MYH14: variants seen among roughly 807,000 people sequenced by gnomAD.
The protein encoded by MYH14 is myosin heavy chain 14.
Under a neutral mutation model 255.5 loss-of-function variants are expected in MYH14, and 123 were observed. The ratio of observed to expected loss-of-function variants is 0.48; its 90% CI spans 0.42 to 0.56. The LOEUF is 0.56. Among genes scored for constraint, MYH14 ranks in the 20% least tolerant of loss-of-function variants. The pLI is 0.00. For synonymous variants in MYH14, 1,095 were observed against 1,161.2 expected, an observed-to-expected ratio of 0.94 and a Z score of 1.16; for missense variants, 2,423 against 2,802.3, an observed-to-expected ratio of 0.86 and a Z score of 3.06.
intron 36 of MYH14, 74 bp from the exon 37 acceptor site, chr19:50,292,187 C>T: frequency 7.0e-7 from 1 of 1,438,530 alleles, no homozygotes; most frequent in Non-Finnish European, 9.2e-7. Flanking sequence ...CCCCGTCGGT[C>T]TGGCAAGGGG....
intron 11 of MYH14, 58 bp from the exon 12 acceptor site, chr19:50,246,946 C>T: frequency 1.6e-6 from 2 of 1,274,660 alleles, no homozygotes; most frequent in Non-Finnish European, 2.2e-6. Context: ...CTCTCCCTTG[C>T]TGGGCAGCAA....
At chr19:50,228,055 C>T (rs780909229) in intron 8 of MYH14, among the ~76,000 whole-genome samples, 3 of 151,966 alleles carry the variant, frequency 2.0e-5, no homozygotes, top group African/African-American at 2.4e-5. Context: ...AGGCCAAGGC[C>T]GGTGGATCAT....
chr19:50,299,936 CTG>C (rs1203787046), intron 39 of MYH14, among the ~76,000 whole-genome samples: 2 of 152,140 alleles, frequency 1.3e-5, no homozygotes. Flanking sequence ...CAGAGTGAGA[CTG>C]TGTCTCAAAA....
intron 11 of MYH14, among the ~76,000 whole-genome samples, chr19:50,246,171 GA>G (rs1274799934): frequency 7.9e-6 from 1 of 127,158 alleles, no homozygotes; most frequent in Non-Finnish European, 1.6e-5. Context: ...TCTTTTAAAT[GA>G]AGTCTCGCCC....
intron 14 of MYH14, 146 bp downstream of exon 14, chr19:50,249,969 G>C: frequency 1.0e-6 from 1 of 998,440 alleles, no homozygotes; most frequent in Non-Finnish European, 1.5e-6. Context: ...CTGCTTCCTC[G>C]ATCTTTTGTG....
Position 50,309,947 on chromosome 19 carries a change from C to A in MYH14, c.*157C>A. The A allele has an allele frequency of 1.3e-6, 1 of 769,438 alleles. No individual in the cohort carries two copies. Among genetic ancestry groups the A allele is most frequent in the Non-Finnish European group, 2.2e-6 (1 of 452,206 alleles). The allele number at this position is 769,438 out of a possible 1,614,324, so 47.7% of individuals were successfully genotyped here. The stretch of plus-strand genomic sequence containing the variant: ...TTATCACCCCCACCTGGGTCCCCTG[C>A]AACCTCCCATCAAAGGATGACCCCT... On this transcript the variant is annotated 3_prime_UTR_variant, in exon 43 of 43. Transcript: ENST00000642316.
intron 16 of MYH14, among the ~76,000 whole-genome samples, chr19:50,253,619 G>A (rs1483593857): frequency 6.6e-6 from 1 of 152,038 alleles, no homozygotes; most frequent in African/African-American, 2.4e-5. Flanking sequence ...AGTTTTGGAG[G>A]GCTTTCCTGC....
At chr19:50,309,215 G>A (rs2036759911) in intron 42 of MYH14, 38 bp downstream of exon 42, 1 of 1,593,686 alleles carries the variant, frequency 6.3e-7, no homozygotes, top group African/African-American at 1.3e-5. Context: ...CGGGTGGGGA[G>A]CACCCTAACT....
chr19:50,266,997 C>A lies in MYH14; in HGVS notation c.2815C>A (p.Arg939=), dbSNP rs1362698103. The A allele has an allele frequency of 6.6e-7, 1 of 1,524,546 alleles. No individual in the cohort carries two copies. Among genetic ancestry groups the A allele is most frequent in the Non-Finnish European group, 8.8e-7 (1 of 1,133,754 alleles). 94.4% of individuals were successfully genotyped at this position (1,524,546 alleles called of 1,614,324 possible). A position where few individuals can be genotyped will look rare whatever the true frequency, so the allele number is the denominator to read the frequency against. The change falls in exon 23 of 43, where the codon CGA becomes AGA. Residue 939 remains arginine, a synonymous_variant. Coordinates refer to ENST00000642316, the MANE Select transcript of MYH14 (RefSeq NM_001145809.2). The surrounding 1 kb of genome is among the most constrained non-coding windows in gnomAD (Gnocchi z 4.1). ...SAREVGELQG[R]VAQLEEERAR... ...CCGCGAAGTTGGGGAGCTCCAGGGCCGAGTGGCACAGGTGAGGGGGCGGGG... is the reference window on the plus strand; with the variant it reads ...CCGCGAAGTTGGGGAGCTCCAGGGCAGAGTGGCACAGGTGAGGGGGCGGGG...
intron 3 of MYH14, among the ~76,000 whole-genome samples, chr19:50,222,206 T>C (rs1445386773): frequency 2.0e-5 from 3 of 151,864 alleles, no homozygotes; most frequent in East Asian, 1.9e-4. Flanking sequence ...TTCGGCCGGG[T>C]GCAGTGGCTC....
intron 15 of MYH14, among the ~76,000 whole-genome samples, chr19:50,251,272 C>G (rs543230593): frequency 7.2e-5 from 11 of 152,036 alleles, no homozygotes; most frequent in Admixed American, 7.2e-4. Context: ...GCCAGACGAT[C>G]TCTGTCACAG....
intron 39 of MYH14, among the ~76,000 whole-genome samples, chr19:50,300,312 T>G (rs1302339985): frequency 6.6e-6 from 1 of 152,158 alleles, no homozygotes; most frequent in East Asian, 1.9e-4. Context: ...GGTTCTCATC[T>G]CCAGCTGCTG....
At position 50,230,825 on chromosome 19, in the gene MYH14, C is replaced by G; in HGVS notation, c.973+202C>G. 1 of 578,714 alleles carries G rather than the reference C, an allele frequency of 1.7e-6. No homozygotes were observed. The highest frequency in any genetic ancestry group is 3.1e-6 in the Non-Finnish European group (1 of 323,914). The allele number at this position is 578,714 out of a possible 1,614,324, so 35.8% of individuals were successfully genotyped here. A position where few individuals can be genotyped will look rare whatever the true frequency, so the allele number is the denominator to read the frequency against. On this transcript the variant is annotated intron_variant, in intron 9 of 42. Transcript: ENST00000642316. The surrounding 1 kb of genome is among the most constrained non-coding windows in gnomAD (Gnocchi z 4.7). ...GGGTTCTGCTGCGCTCTGGTTCCAGCTCTGTCCCGGGTCTGGCTCGCGCCC... is the reference window on the plus strand; with the variant it reads ...GGGTTCTGCTGCGCTCTGGTTCCAGGTCTGTCCCGGGTCTGGCTCGCGCCC...
intron 41 of MYH14, among the ~76,000 whole-genome samples, chr19:50,308,074 A>G (rs2036714049): frequency 6.6e-6 from 1 of 152,250 alleles, no homozygotes; most frequent in Admixed American, 6.5e-5. Flanking sequence ...AAAAAAGTGA[A>G]GAGAGAGGAA....
chr19:50,281,829 G>A lies in MYH14; in HGVS notation c.4526G>A (p.Arg1509His), dbSNP rs760481743. ...GTGAGCACCCTGGAGAAGAAGCAGC[G>A]CAAGTTTGACCAGGTGGGGCACCTC... ...QLVSTLEKKQ[R>H]KFDQLLAEEK... Residue 1509 changes from arginine to histidine, a missense_variant, in exon 33 of 43, where the codon CGC becomes CAC. By Grantham distance (29) the Arg-to-His change is conservative. Transcript: ENST00000642316. 24 of 1,611,248 alleles carry A rather than the reference G, an allele frequency of 1.5e-5. No homozygotes were observed. The highest frequency in any genetic ancestry group is 4.5e-5 in the East Asian group (2 of 44,876).
rs146999446 is a variant in MYH14 at position 50,252,534 on chromosome 19, GA to G, written c.1831-104del. ...GCACCAGTGCTCGCTTGTCCATGGT[GA>G]GCTCCAGACCTGGGAGTCTCAGAGC... On this transcript the variant is annotated intron_variant, in intron 15 of 42. Coordinates refer to ENST00000642316, the MANE Select transcript of MYH14 (RefSeq NM_001145809.2). This position sits in a 1 kb window ranked among gnomAD's most constrained non-coding sequence, Gnocchi z 4.2. The G allele has an allele frequency of 3.2e-3, 2,506 of 777,752 alleles. 35 individuals carry two copies. The African/African-American group carries it at 0.033, about 10-fold the overall frequency. 48.2% of individuals were successfully genotyped at this position (777,752 alleles called of 1,614,324 possible).
chr19:50,308,864 G>A, intron 41 of MYH14, 141 bp from the exon 42 acceptor site: 1 of 842,782 alleles, frequency 1.2e-6, no homozygotes, highest in Non-Finnish European at 1.8e-6. Context: ...TAGGAGAAAA[G>A]AACAAGGCCT....
At chr19:50,296,261 A>G (rs1477285843) in intron 39 of MYH14, among the ~76,000 whole-genome samples, 5 of 152,132 alleles carry the variant, frequency 3.3e-5, no homozygotes, top group Non-Finnish European at 7.3e-5. Flanking sequence ...CCCAGTAGCA[A>G]TGAGTATCCC....
chr19:50,269,251 A>C, intron 24 of MYH14, among the ~76,000 whole-genome samples: 1 of 152,162 alleles, frequency 6.6e-6, no homozygotes, highest in East Asian at 1.9e-4. Flanking sequence ...ATCTCAGCTC[A>C]CTGCAACCTC....
Sources: allele counts gnomAD v4.1 joint callset (sites outside exome capture counted in the v4.1 genomes callset), GRCh38; gene constraint gnomAD v4.1.1; non-coding constraint Gnocchi (gnomAD v3.1); transcripts MANE v1.5; gene names NCBI Gene and HGNC (gene_info 2026-07-23, HGNC 2026-07-21).